The following NCKAP5 variants were observed in gnomAD, a reference collection of about 807,000 sequenced individuals.
NCKAP5 encodes the protein NCK associated protein 5.
In NCKAP5, 92 loss-of-function variants were observed where a neutral mutation model predicts 167.0. The observed-to-expected ratio is 0.55, with a 90% CI of 0.47 to 0.66. NCKAP5 has a LOEUF of 0.66. Among genes scored for constraint, NCKAP5 ranks in the 30% least tolerant of loss-of-function variants. The pLI is 0.00. For synonymous variants in NCKAP5, 891 were observed against 877.4 expected, an observed-to-expected ratio of 1.02 and a Z score of -0.27; for missense variants, 2,378 against 2,315.0, an observed-to-expected ratio of 1.03 and a Z score of -0.56.
chr2:133,139,437 G>C (rs16857192), intron 5 of NCKAP5, among the ~76,000 whole-genome samples: 2,082 of 152,276 alleles, frequency 0.014, 58 homozygotes, highest in African/African-American at 0.047. Context: ...TGGATAATTA[G>C]TGGGTGAAGA....
intron 6 of NCKAP5, among the ~76,000 whole-genome samples, chr2:133,013,887 C>T (rs1168342973): frequency 1.3e-5 from 2 of 152,202 alleles, no homozygotes; most frequent in South Asian, 2.1e-4. Flanking sequence ...GATGAATGGC[C>T]TGGAGCATCT....
chr2:133,529,320 A>G (rs1685173254), intron 2 of NCKAP5, among the ~76,000 whole-genome samples: 1 of 152,144 alleles, frequency 6.6e-6, no homozygotes, highest in Non-Finnish European at 1.5e-5. Flanking sequence ...ATATACATAT[A>G]TATTGATTTT....
intron 8 of NCKAP5, among the ~76,000 whole-genome samples, chr2:132,915,204 T>C (rs1031590841): frequency 6.6e-6 from 1 of 151,974 alleles, no homozygotes; most frequent in African/African-American, 2.4e-5. Flanking sequence ...GTCTCCTTCC[T>C]GAGTTTATAT....
chr2:133,089,756 T>C (rs2081112259), intron 6 of NCKAP5, among the ~76,000 whole-genome samples: 1 of 152,210 alleles, frequency 6.6e-6, no homozygotes, highest in African/African-American at 2.4e-5. Flanking sequence ...CTTTATTGCA[T>C]GCTAAAATAA....
intron 5 of NCKAP5, among the ~76,000 whole-genome samples, chr2:133,199,044 G>C (rs2150112490): frequency 6.6e-6 from 1 of 151,928 alleles, no homozygotes; most frequent in South Asian, 2.1e-4. Flanking sequence ...TACAAATGTG[G>C]ATATCTACAT....
At chr2:133,660,597 G>C in the NCKAP5 span, among the ~76,000 whole-genome samples, 1 of 152,162 alleles carries the variant, frequency 6.6e-6, no homozygotes, top group East Asian at 1.9e-4. Context: ...ATTACATACT[G>C]AAACATTATA....
At chr2:133,387,048 T>G (rs1687028994) in intron 3 of NCKAP5, among the ~76,000 whole-genome samples, 1 of 152,220 alleles carries the variant, frequency 6.6e-6, no homozygotes, top group Non-Finnish European at 1.5e-5. Context: ...CATTTACATT[T>G]AAGGTTAATA....
intron 4 of NCKAP5, among the ~76,000 whole-genome samples, chr2:133,217,537 A>G (rs2086484013): frequency 6.6e-6 from 1 of 152,100 alleles, no homozygotes; most frequent in Admixed American, 6.6e-5. Flanking sequence ...ATAAGACCAT[A>G]AATTCCTCCT....
chr2:133,584,069 A>G, the NCKAP5 span, among the ~76,000 whole-genome samples: 1 of 152,238 alleles, frequency 6.6e-6, no homozygotes, highest in Non-Finnish European at 1.5e-5. Flanking sequence ...GGGTAAATGG[A>G]TTAAGAATTA....
chr2:133,208,637 G>A (rs1265115414), intron 5 of NCKAP5, among the ~76,000 whole-genome samples: 1 of 152,102 alleles, frequency 6.6e-6, no homozygotes, highest in East Asian at 1.9e-4. Context: ...AGCAGAAAAA[G>A]GACACTACAG....
At chr2:133,037,833 T>C (rs1033919698) in intron 6 of NCKAP5, among the ~76,000 whole-genome samples, 1 of 152,034 alleles carries the variant, frequency 6.6e-6, no homozygotes, top group Non-Finnish European at 1.5e-5. Context: ...CAGCAAAGGA[T>C]ACAATCAAGA....
chr2:133,345,653 A>G (rs1167751263), intron 3 of NCKAP5, among the ~76,000 whole-genome samples: 1 of 152,198 alleles, frequency 6.6e-6, no homozygotes, highest in Non-Finnish European at 1.5e-5. Flanking sequence ...GGAACCAAAG[A>G]GCTGAAGGTC....
At chr2:132,973,524 T>TC (rs376159468) in intron 7 of NCKAP5, among the ~76,000 whole-genome samples, 73 of 152,288 alleles carry the variant, frequency 4.8e-4, no homozygotes, top group African/African-American at 1.4e-3. Flanking sequence ...AGGTCTCTTC[T>TC]CACTTTAAAT....
At chr2:133,204,450 C>T (rs1044014116) in intron 5 of NCKAP5, among the ~76,000 whole-genome samples, 10 of 152,230 alleles carry the variant, frequency 6.6e-5, no homozygotes, top group East Asian at 1.9e-4. Context: ...TTTTCACATC[C>T]GCCAAGTTCA....
At chr2:133,534,451 T>C (rs114577616) in intron 2 of NCKAP5, among the ~76,000 whole-genome samples, 3,937 of 152,134 alleles carry the variant, frequency 0.026, 76 homozygotes, top group Non-Finnish European at 0.037. Flanking sequence ...TTTTTAACAC[T>C]CCAAAAAGAA....
At chr2:133,530,046 G>C (rs550819590) in intron 2 of NCKAP5, among the ~76,000 whole-genome samples, 26 of 152,182 alleles carry the variant, frequency 1.7e-4, no homozygotes, top group Non-Finnish European at 3.1e-4. Context: ...TAAATTAAAA[G>C]ACCATTTTCC....
chr2:133,152,278 T>G (rs2083409301), intron 5 of NCKAP5, among the ~76,000 whole-genome samples: 1 of 152,150 alleles, frequency 6.6e-6, no homozygotes, highest in East Asian at 1.9e-4. Flanking sequence ...GAATGTGAGC[T>G]TTACTTTACT....
At chr2:133,173,167 A>G (rs918401979) in intron 5 of NCKAP5, among the ~76,000 whole-genome samples, 2 of 152,104 alleles carry the variant, frequency 1.3e-5, no homozygotes, top group Non-Finnish European at 2.9e-5. Flanking sequence ...AAGATTAAGT[A>G]AAGTCTTTAG....
chr2:132,923,376 T>C (rs192419575), intron 8 of NCKAP5, among the ~76,000 whole-genome samples: 121 of 152,286 alleles, frequency 7.9e-4, no homozygotes, highest in African/African-American at 2.7e-3. Flanking sequence ...CTGGGATCAA[T>C]TGTGTTACAG....
Sources: gnomAD v4.1 joint callset for allele counts (sites outside exome capture counted in the v4.1 genomes callset) on GRCh38, gnomAD v4.1.1 for gene constraint, MANE v1.5 for transcripts, NCBI Gene and HGNC (gene_info 2026-07-23, HGNC 2026-07-21) for gene names.